Variants in BIRC2 observed in about 807,000 individuals in gnomAD.
BIRC2 encodes the protein baculoviral IAP repeat-containing protein 2.
Under a neutral mutation model 60.9 loss-of-function variants are expected in BIRC2, and 18 were observed. The ratio of observed to expected loss-of-function variants is 0.30; its 90% CI spans 0.20 to 0.44. The LOEUF (loss-of-function observed/expected upper bound fraction) is 0.44. BIRC2 is among the 20% of genes least tolerant of loss of function. BIRC2 has a pLI of 1.00. For missense variants in BIRC2, 701 were observed against 728.5 expected (o/e 0.96, Z 0.43); for synonymous variants, 282 against 247.7 (o/e 1.14, Z -1.30).
At chr11:102,351,304 TAA>T (rs1228501462) in intron 3 of BIRC2, among the ~76,000 whole-genome samples, 4 of 152,124 alleles carry the variant, frequency 2.6e-5, no homozygotes, top group Non-Finnish European at 5.9e-5. Flanking sequence ...AAGTCAAATG[TAA>T]AAGTCCATGT....
In BIRC2 at chr11:102,349,428, G is replaced by T. The variant is rs1203781324; in HGVS notation, c.-427G>T. The stretch of plus-strand genomic sequence containing the variant: ...TACCTTGTGGCATAATCAGTAATTG[G>T]TCTGTTATTCAGGCTTCATAGCTTG... On this transcript the variant is annotated 5_prime_UTR_variant, in exon 2 of 9. Transcript: ENST00000227758. 6.5e-6 allele frequency: 1 copy of T among 153,684 alleles called. No homozygotes were observed. Among genetic ancestry groups the T allele is most frequent in the Non-Finnish European group, 1.4e-5 (1 of 69,138 alleles). 9.5% of individuals were successfully genotyped at this position (153,684 alleles called of 1,614,324 possible).
chr11:102,350,232 G>C lies in BIRC2; in HGVS notation c.378G>C (p.Lys126Asn). The part of the protein sequence containing the change: ...LVSASLGSTS[K>N]NTSPMRNSFA... ...CAGCTAGTCTGGGATCCACCTCTAA[G>C]AATACGTCTCCAATGAGAAACAGTT... Residue 126 changes from lysine (K) to asparagine (N), a missense_variant, in exon 2 of 9, where the codon AAG becomes AAC. Transcript: ENST00000227758. 6.2e-7 allele frequency: 1 copy of C among 1,614,194 alleles called. No homozygotes were observed. Among genetic ancestry groups the C allele is most frequent in the Non-Finnish European group, 8.5e-7 (1 of 1,180,036 alleles).
intron 3 of BIRC2, among the ~76,000 whole-genome samples, chr11:102,358,042 C>A (rs1951443453): frequency 6.6e-6 from 1 of 152,054 alleles, no homozygotes; most frequent in Non-Finnish European, 1.5e-5. Flanking sequence ...TGTCAGCTTT[C>A]CAACTTTCAT....
At chr11:102,375,960 A>G (rs767743605) in intron 6 of BIRC2, among the ~76,000 whole-genome samples, 7 of 145,062 alleles carry the variant, frequency 4.8e-5, no homozygotes, top group East Asian at 2.0e-4. Context: ...TAGCACGTCA[A>G]TTTTTTTTTT....
At chr11:102,366,442 C>G (rs894688744) in intron 5 of BIRC2, among the ~76,000 whole-genome samples, 1 of 151,774 alleles carries the variant, frequency 6.6e-6, no homozygotes, top group Non-Finnish European at 1.5e-5. Flanking sequence ...TTTTGGCTCA[C>G]TGGAAGCTCC....
At chr11:102,347,599 T>C (rs1951307374) in intron 1 of BIRC2, 1 of 152,308 alleles carries the variant, frequency 6.6e-6, no homozygotes, top group Non-Finnish European at 1.5e-5. Context: ...AAGCGATTTT[T>C]AAAATGACTT....
rs1951349828 is a variant in BIRC2 at position 102,350,745 on chromosome 11, T to C, written c.891T>C (p.Tyr297=). ...AGCTTGCAAGTGCTGGTTTTTATTA[T>C]GTGGGTAAGAAGCAAATAACTATAC... ...PEQLASAGFY[Y]VGRNDDVKCF... The change falls in exon 2 of 9, where the codon TAT becomes TAC. Residue 297 remains tyrosine (Y), a synonymous_variant. Transcript: ENST00000227758. 6 of 1,604,912 alleles carry C rather than the reference T, an allele frequency of 3.7e-6. No individual in the cohort carries two copies. The African/African-American group carries it at 4.0e-5, about 11-fold the overall frequency.
At chr11:102,351,363 C>G (rs1951356687) in intron 3 of BIRC2, among the ~76,000 whole-genome samples, 1 of 151,990 alleles carries the variant, frequency 6.6e-6, no homozygotes, top group Non-Finnish European at 1.5e-5. Context: ...ACCTGTAATC[C>G]CAGCACTTTG....
intron 3 of BIRC2, among the ~76,000 whole-genome samples, chr11:102,356,794 T>C (rs1951427983): frequency 1.3e-5 from 2 of 150,916 alleles, no homozygotes; most frequent in East Asian, 2.0e-4. Flanking sequence ...TTCTCCTGCC[T>C]CAGCCTCCCG....
In BIRC2 at chr11:102,347,368, C is replaced by G. The variant is rs1268458709; in HGVS notation, c.-1266C>G. 6.6e-6 allele frequency: 1 copy of G among 152,258 alleles called. No individual in the cohort carries two copies. Among genetic ancestry groups the G allele is most frequent in the Non-Finnish European group, 1.5e-5 (1 of 68,070 alleles). 9.4% of individuals were successfully genotyped at this position (152,258 alleles called of 1,614,324 possible). A position where few individuals can be genotyped will look rare whatever the true frequency, so the allele number is the denominator to read the frequency against. On this transcript the variant is annotated 5_prime_UTR_variant, in exon 1 of 9. Transcript: ENST00000227758. Reference sequence around the variant, plus strand: ...GCGCAGCTTCCGTGTTTGCTGCGCCCGCACTGCGGTGAGTGCTGCTCCTTC... The same window carrying G: ...GCGCAGCTTCCGTGTTTGCTGCGCCGGCACTGCGGTGAGTGCTGCTCCTTC...
Position 102,350,058 on chromosome 11 carries a change from T to G in BIRC2, c.204T>G (p.Ala68=). 2 of 1,614,188 alleles carry G rather than the reference T, an allele frequency of 1.2e-6. No homozygotes were observed. The highest frequency in any genetic ancestry group is 8.5e-7 in the Non-Finnish European group (1 of 1,180,034). ...AGVPVSERSL[A]RAGFYYTGVN... ...TGCCTGTCTCAGAAAGGAGTCTTGC[T>G]CGTGCTGGTTTTTATTATACTGGTG... The change falls in exon 2 of 9, where the codon GCT becomes GCG. Residue 68 remains alanine, a synonymous_variant. Coordinates refer to ENST00000227758, the MANE Select transcript of BIRC2 (RefSeq NM_001166.5).
At chr11:102,374,766 C>G (rs1208823560) in intron 6 of BIRC2, among the ~76,000 whole-genome samples, 1 of 152,238 alleles carries the variant, frequency 6.6e-6, no homozygotes, top group Non-Finnish European at 1.5e-5. Context: ...CTCCCCCAGC[C>G]TCGCTGCTGC....
At position 102,350,568 on chromosome 11, in the gene BIRC2, A is replaced by G; in HGVS notation, c.714A>G (p.Ser238=). Residue 238 remains serine (S), a synonymous_variant, in exon 2 of 9, where the codon TCA becomes TCG. Transcript: ENST00000227758. ...GGGAACCAAAGGATGATGCTATGTC[A>G]GAACACCGGAGGCATTTTCCCAACT... ...SNWEPKDDAM[S]EHRRHFPNCP... is the part of the protein sequence containing the mutation. The G allele has an allele frequency of 6.2e-7, 1 of 1,614,228 alleles. No homozygotes were observed.
In BIRC2 at chr11:102,366,612, C is replaced by T. The variant is rs35407435; in HGVS notation, c.1124-1694C>T. On this transcript the variant is annotated intron_variant, in intron 5 of 8. Coordinates refer to ENST00000227758, the MANE Select transcript of BIRC2 (RefSeq NM_001166.5). ...GTCTCGATCTCCTCACCTCATGATC[C>T]GCCCGCCTTGGCTCCCAAAGTGCTG... is the stretch of plus-strand genomic sequence containing the variant. 6.7e-3 allele frequency among the ~76,000 whole-genome samples: 1,025 copies of T among 151,928 alleles called. 12 individuals are homozygous for T. The highest frequency in any genetic ancestry group is 0.022 in the African/African-American group (930 of 41,396).
At chr11:102,362,169 A>G (rs986763107) in intron 3 of BIRC2, among the ~76,000 whole-genome samples, 1 of 152,092 alleles carries the variant, frequency 6.6e-6, no homozygotes, top group Non-Finnish European at 1.5e-5. Context: ...TTTTCCTAGA[A>G]GTTTTATTGT....
chr11:102,357,283 C>G (rs1284446658), intron 3 of BIRC2, among the ~76,000 whole-genome samples: 1 of 151,380 alleles, frequency 6.6e-6, no homozygotes, highest in African/African-American at 2.4e-5. Context: ...CCTCCCTCTT[C>G]TTCCTTCTTC....
At chr11:102,357,337 C>G (rs1490860007) in intron 3 of BIRC2, among the ~76,000 whole-genome samples, 2 of 151,494 alleles carry the variant, frequency 1.3e-5, no homozygotes, top group Non-Finnish European at 2.9e-5. Flanking sequence ...TTTCCTCCTC[C>G]TCCTCCTCTT....
intron 1 of BIRC2, 192 bp from the exon 2 acceptor site, chr11:102,348,406 G>A (rs1951316125): frequency 6.3e-6 from 1 of 159,028 alleles, no homozygotes; most frequent in Admixed American, 6.5e-5. Context: ...GTGCTATGGG[G>A]AGTATGTTGC....
intron 3 of BIRC2, among the ~76,000 whole-genome samples, chr11:102,357,631 A>G (rs920801708): frequency 1.3e-5 from 2 of 152,136 alleles, no homozygotes; most frequent in Non-Finnish European, 2.9e-5. Context: ...TGTGTTATCA[A>G]TGGTAACATC....
Sources: allele counts gnomAD v4.1 joint callset (sites outside exome capture counted in the v4.1 genomes callset), GRCh38; gene constraint gnomAD v4.1.1; transcripts MANE v1.5; gene names NCBI Gene and HGNC (gene_info 2026-07-23, HGNC 2026-07-21).